CARS1: variants seen among roughly 807,000 people sequenced by gnomAD.
The protein encoded by CARS1 is cysteine--tRNA ligase, cytoplasmic.
CARS1 carries 48 observed loss-of-function variants against 106.2 expected under a neutral mutation model. That is an observed-to-expected ratio of 0.45 (90% CI 0.36 to 0.57). The LOEUF is 0.57. Among genes scored for constraint, CARS1 ranks in the 20% least tolerant of loss-of-function variants. The pLI is 0.00. For missense variants in CARS1, 968 were observed against 1,057.2 expected (o/e 0.92, Z 1.17); for synonymous variants, 409 against 403.4 (o/e 1.01, Z -0.17).
At position 3,050,228 on chromosome 11, in the gene CARS1, G is replaced by A. The variant is rs1855521788; in HGVS notation, c.26-2227C>T. On this transcript the variant is annotated intron_variant, in intron 1 of 22. Transcript: ENST00000380525. This position sits in a 1 kb window ranked among gnomAD's most constrained non-coding sequence, Gnocchi z 6.3. ...AAAATGGCTTCCTGGGATGACTCTC[G>A]CTGGTGGGATGACGAGTGCAGCGTC... is the stretch of plus-strand genomic sequence containing the variant. Among the ~76,000 whole-genome samples, 1 of 152,200 alleles carries A rather than the reference G, an allele frequency of 6.6e-6. No homozygotes were observed. Among genetic ancestry groups the A allele is most frequent in the South Asian group, 2.1e-4 (1 of 4,812 alleles).
chr11:3,041,321 C>T lies in CARS1; in HGVS notation c.367-337G>A. 1 of 306,338 alleles carries T rather than the reference C, an allele frequency of 3.3e-6. No homozygotes were observed. 19.0% of individuals were successfully genotyped at this position (306,338 alleles called of 1,614,324 possible). A position where few individuals can be genotyped will look rare whatever the true frequency, so the allele number is the denominator to read the frequency against. ...ACAGCTAATATTTACTGAGTACCTACCATGTGCCAGGCCCTGAGCTAAATA... is the reference window on the plus strand; with the variant it reads ...ACAGCTAATATTTACTGAGTACCTATCATGTGCCAGGCCCTGAGCTAAATA... On this transcript the variant is annotated intron_variant, in intron 3 of 22. Coordinates refer to ENST00000380525, the MANE Select transcript of CARS1 (RefSeq NM_001014437.3). The surrounding 1 kb of genome is among the most constrained non-coding windows in gnomAD (Gnocchi z 4.9).
chr11:3,038,964 G>A lies in CARS1; in HGVS notation c.651+230C>T, dbSNP rs1299921280. On this transcript the variant is annotated intron_variant, in intron 6 of 22. Coordinates refer to ENST00000380525, the MANE Select transcript of CARS1 (RefSeq NM_001014437.3). The surrounding 1 kb of genome is among the most constrained non-coding windows in gnomAD (Gnocchi z 4.0). ...TCAGTTGTTTTCCTGTAAGTGGCAGGAATGTCACCTACTCTCCACTCCACT... is the reference window on the plus strand; with the variant it reads ...TCAGTTGTTTTCCTGTAAGTGGCAGAAATGTCACCTACTCTCCACTCCACT... Among the ~76,000 whole-genome samples the A allele has an allele frequency of 2.0e-5, 3 of 152,186 alleles. No homozygotes were observed. Among genetic ancestry groups the A allele is most frequent in the African/African-American group, 7.2e-5 (3 of 41,442 alleles).
chr11:3,010,741 C>T (rs1053006091), intron 18 of CARS1, among the ~76,000 whole-genome samples: 23 of 152,276 alleles, frequency 1.5e-4, no homozygotes, highest in African/African-American at 5.5e-4. Flanking sequence ...TCCACTGTCC[C>T]CTGCCCGAAA....
rs1247846631 is a variant in CARS1 at position 3,053,515 on chromosome 11, G to A, written c.25+3828C>T. On this transcript the variant is annotated intron_variant, in intron 1 of 22. Coordinates refer to ENST00000380525, the MANE Select transcript of CARS1 (RefSeq NM_001014437.3). The surrounding 1 kb of genome is among the most constrained non-coding windows in gnomAD (Gnocchi z 6.6). ...CAAAGTGCTGGGATTACAGACGTGA[G>A]CCACCATGCCTGGCCTCCTGTAAGC... is the stretch of plus-strand genomic sequence containing the variant. 6.6e-6 allele frequency among the ~76,000 whole-genome samples: 1 copy of A among 152,168 alleles called. No homozygotes were observed. Among genetic ancestry groups the A allele is most frequent in the Admixed American group, 6.5e-5 (1 of 15,276 alleles).
In CARS1 at chr11:3,037,499, T is replaced by G. The variant is rs2134240257; in HGVS notation, c.801+551A>C. Among the ~76,000 whole-genome samples, 1 of 152,298 alleles carries G rather than the reference T, an allele frequency of 6.6e-6. No homozygotes were observed. The highest frequency in any genetic ancestry group is 6.5e-5 in the Admixed American group (1 of 15,302). ...ACAAAGGAGAAGGCCTTCCTGACTG[T>G]GTCCAGGGCGCCAGCCACAGGGAAA... On this transcript the variant is annotated intron_variant, in intron 7 of 22. Coordinates refer to ENST00000380525, the MANE Select transcript of CARS1 (RefSeq NM_001014437.3). This position sits in a 1 kb window ranked among gnomAD's most constrained non-coding sequence, Gnocchi z 5.9.
Position 3,051,638 on chromosome 11 carries a change from G to T in CARS1, c.26-3637C>A, listed in dbSNP as rs115527188. On this transcript the variant is annotated intron_variant, in intron 1 of 22. Coordinates refer to ENST00000380525, the MANE Select transcript of CARS1 (RefSeq NM_001014437.3). ...AACAGCTCTGCAGCTGCCAGCAGGG[G>T]TCCCATTTCATGATAAAGAAAATGA... Among the ~76,000 whole-genome samples the T allele has an allele frequency of 4.8e-3, 725 of 152,324 alleles. 6 individuals are homozygous for T. Among genetic ancestry groups the T allele is most frequent in the African/African-American group, 0.017 (688 of 41,568 alleles).
At chr11:3,057,306 C>T in intron 1 of CARS1, 37 bp downstream of exon 1, 2 of 1,593,202 alleles carry the variant, frequency 1.3e-6, no homozygotes, top group Non-Finnish European at 1.7e-6. Context: ...AGTCAGGCCC[C>T]CAGCCGCCCT....
At chr11:3,012,321 C>G (rs764389427) in intron 17 of CARS1, 45 bp from the exon 18 acceptor site, 1 of 1,529,636 alleles carries the variant, frequency 6.5e-7, no homozygotes, top group Non-Finnish European at 9.1e-7. Flanking sequence ...GCTCACACTC[C>G]CATATTCATA....
rs1006720489 is a variant in CARS1 at position 3,022,879 on chromosome 11, C to A, written c.1154-2547G>T. Among the ~76,000 whole-genome samples the A allele has an allele frequency of 1.3e-5, 2 of 152,172 alleles. No homozygotes were observed. Among genetic ancestry groups the A allele is most frequent in the East Asian group, 1.9e-4 (1 of 5,184 alleles). ...TCCTCTACCATTAGAGTCCCCATGG[C>A]GAGGAGCACATGACTGCACAGAGCT... On this transcript the variant is annotated intron_variant, in intron 10 of 22. Transcript: ENST00000380525. The surrounding 1 kb of genome is among the most constrained non-coding windows in gnomAD (Gnocchi z 4.9).
At chr11:3,024,606 C>A (rs997776630) in intron 10 of CARS1, among the ~76,000 whole-genome samples, 2 of 152,130 alleles carry the variant, frequency 1.3e-5, no homozygotes, top group South Asian at 2.1e-4. Flanking sequence ...TGCCACCACA[C>A]CCAGCTCATT....
At chr11:3,032,716 G>A (rs1434850863) in intron 7 of CARS1, among the ~76,000 whole-genome samples, 1 of 152,064 alleles carries the variant, frequency 6.6e-6, no homozygotes, top group Non-Finnish European at 1.5e-5. Flanking sequence ...TACGGAGACA[G>A]TAGAAAGACT....
chr11:3,014,464 G>A (rs571659448), intron 17 of CARS1, among the ~76,000 whole-genome samples: 147 of 152,336 alleles, frequency 9.6e-4, no homozygotes, highest in African/African-American at 3.4e-3. Flanking sequence ...GAGGCTGCCT[G>A]GGGGATGCGG....
At chr11:3,057,261 G>A in intron 1 of CARS1, 82 bp downstream of exon 1, 2 of 1,236,460 alleles carry the variant, frequency 1.6e-6, no homozygotes, top group Admixed American at 1.9e-5. Context: ...CAGACATAAG[G>A]ACTCGCTGCC....
In CARS1 at chr11:3,019,707, CAAAA is replaced by C. The variant is rs766800048; in HGVS notation, c.1267-444_1267-441del. Among the ~76,000 whole-genome samples the C allele has an allele frequency of 9.5e-6, 1 of 105,644 alleles. No individual in the cohort carries two copies. Among genetic ancestry groups the C allele is most frequent in the Non-Finnish European group, 2.0e-5 (1 of 49,258 alleles). The allele number at this position is 105,644 out of a possible 152,430, so 69.3% of individuals were successfully genotyped here. A position where few individuals can be genotyped will look rare whatever the true frequency, so the allele number is the denominator to read the frequency against. ...CTGGTGACAGAGTGACACTCTGTCT[CAAAA>C]AAAAAAAAAAGACTAAGGATAGCCT... On this transcript the variant is annotated intron_variant, in intron 11 of 22. Transcript: ENST00000380525. This position sits in a 1 kb window ranked among gnomAD's most constrained non-coding sequence, Gnocchi z 6.2.
intron 3 of CARS1, 119 bp downstream of exon 3, chr11:3,042,045 TG>T: frequency 1.5e-6 from 1 of 674,814 alleles, no homozygotes; most frequent in Non-Finnish European, 2.5e-6. Context: ...CCTGGATTTA[TG>T]GAACTCCAGA....
rs1851077660 is a variant in CARS1 at position 3,017,016 on chromosome 11, G to T, written c.1917+90C>A. ...CTGGGCACCAGGCACAGCACTGGGG[G>T]GCACCAGAGGCCTCTGTTCTCCCAG... On this transcript the variant is annotated intron_variant, in intron 16 of 22. Coordinates refer to ENST00000380525, the MANE Select transcript of CARS1 (RefSeq NM_001014437.3). This position sits in a 1 kb window ranked among gnomAD's most constrained non-coding sequence, Gnocchi z 4.9. 2 of 1,088,050 alleles carry T rather than the reference G, an allele frequency of 1.8e-6. No individual in the cohort carries two copies. The highest frequency in any genetic ancestry group is 1.6e-5 in the African/African-American group (1 of 62,958). 67.4% of individuals were successfully genotyped at this position (1,088,050 alleles called of 1,614,324 possible).
Position 3,029,097 on chromosome 11 carries a change from T to G in CARS1, c.943-13A>C, listed in dbSNP as rs900995772. The G allele has an allele frequency of 1.3e-6, 2 of 1,594,624 alleles. No individual in the cohort carries two copies. The highest frequency in any genetic ancestry group is 1.7e-6 in the Non-Finnish European group (2 of 1,162,192). ...CTGGAGGGAGAACCTGTGCAAGACA[T>G]GAGAATGTCCTGGGATTTTCCCTTC... On this transcript the variant is annotated splice_polypyrimidine_tract_variant and intron_variant, in intron 8 of 22. Coordinates refer to ENST00000380525, the MANE Select transcript of CARS1 (RefSeq NM_001014437.3). This position sits in a 1 kb window ranked among gnomAD's most constrained non-coding sequence, Gnocchi z 5.9.
intron 7 of CARS1, among the ~76,000 whole-genome samples, chr11:3,035,482 A>G (rs450817): frequency 0.41 from 61,833 of 151,880 alleles, 12,880 homozygotes; most frequent in African/African-American, 0.45. Flanking sequence ...ATTTGCATAG[A>G]CATTTCTTTC....
At chr11:3,013,327 T>C (rs1299212398) in intron 17 of CARS1, among the ~76,000 whole-genome samples, 1 of 152,104 alleles carries the variant, frequency 6.6e-6, no homozygotes, top group Non-Finnish European at 1.5e-5. Flanking sequence ...TAATTTTGTA[T>C]TTTTAGTAGA....
Sources: gnomAD v4.1 joint callset for allele counts (sites outside exome capture counted in the v4.1 genomes callset) on GRCh38, gnomAD v4.1.1 for gene constraint, Gnocchi (gnomAD v3.1) non-coding constraint, MANE v1.5 for transcripts, NCBI Gene and HGNC (gene_info 2026-07-23, HGNC 2026-07-21) for gene names.